CORO2B: variants seen among roughly 807,000 people sequenced by gnomAD.
CORO2B encodes the protein coronin 2B.
Under a neutral mutation model 58.8 loss-of-function variants are expected in CORO2B, and 26 were observed. The ratio of observed to expected loss-of-function variants is 0.44; its 90% CI spans 0.32 to 0.61. CORO2B has a LOEUF of 0.61. Among genes scored for constraint, CORO2B ranks in the 20% least tolerant of loss-of-function variants. The pLI, the probability that CORO2B is intolerant of heterozygous loss-of-function variation, is 0.04. For synonymous variants in CORO2B, 242 were observed against 253.8 expected, an observed-to-expected ratio of 0.95 and a Z score of 0.44; for missense variants, 460 against 645.1, an observed-to-expected ratio of 0.71 and a Z score of 3.11.
chr15:68,634,830 T>C (rs997924721), intron 1 of CORO2B, among the ~76,000 whole-genome samples: 1 of 152,196 alleles, frequency 6.6e-6, no homozygotes, highest in Non-Finnish European at 1.5e-5. Flanking sequence ...TGTTCAACCA[T>C]AGATTCTCAT....
the CORO2B span, among the ~76,000 whole-genome samples, chr15:68,568,785 A>G: frequency 6.6e-6 from 1 of 152,184 alleles, no homozygotes; most frequent in African/African-American, 2.4e-5. Context: ...CAATGGGAAC[A>G]CATGGACACA....
chr15:68,536,839 G>A, the CORO2B span, among the ~76,000 whole-genome samples: 3 of 152,214 alleles, frequency 2.0e-5, no homozygotes, highest in African/African-American at 7.2e-5. Context: ...ATTTGTAAAT[G>A]GAGGGGCTAT....
intron 2 of CORO2B, among the ~76,000 whole-genome samples, chr15:68,652,084 T>C (rs1027617793): frequency 6.6e-6 from 1 of 152,204 alleles, no homozygotes; most frequent in Non-Finnish European, 1.5e-5. Flanking sequence ...GCATACAGTA[T>C]GGACCCCAAG....
At chr15:68,558,301 G>A in the CORO2B span, among the ~76,000 whole-genome samples, 1 of 152,128 alleles carries the variant, frequency 6.6e-6, no homozygotes, top group Non-Finnish European at 1.5e-5. Context: ...GCAGGCCCAG[G>A]GGTCCTGCTG....
chr15:68,581,808 C>T (rs192793542), intron 1 of CORO2B, among the ~76,000 whole-genome samples: 21 of 152,260 alleles, frequency 1.4e-4, no homozygotes, highest in Admixed American at 9.8e-4. Flanking sequence ...GAAATGGGTT[C>T]GAGAGTGAGC....
intron 2 of CORO2B, among the ~76,000 whole-genome samples, chr15:68,690,875 G>A (rs66814227): frequency 2.6e-5 from 4 of 151,114 alleles, no homozygotes; most frequent in African/African-American, 9.7e-5. Context: ...GGCTGGTCTC[G>A]AACTCCTGGG....
intron 2 of CORO2B, among the ~76,000 whole-genome samples, chr15:68,694,606 G>T (rs1173973029): frequency 6.6e-6 from 1 of 152,202 alleles, no homozygotes; most frequent in Non-Finnish European, 1.5e-5. Flanking sequence ...TGGACCCAGA[G>T]ATTCAGACCT....
At chr15:68,695,333 C>T in intron 3 of CORO2B, 77 bp downstream of exon 3, 1 of 997,768 alleles carries the variant, frequency 1.0e-6, no homozygotes. Context: ...TCTTCCTACC[C>T]TCCCCTCCTC....
At chr15:68,666,946 G>A (rs897801867) in intron 2 of CORO2B, among the ~76,000 whole-genome samples, 6 of 152,192 alleles carry the variant, frequency 3.9e-5, no homozygotes, top group Non-Finnish European at 8.8e-5. Context: ...GCCCTTGGGT[G>A]AGATTTGGCT....
At chr15:68,651,009 T>C (rs920731404) in intron 2 of CORO2B, among the ~76,000 whole-genome samples, 1 of 152,104 alleles carries the variant, frequency 6.6e-6, no homozygotes, top group Admixed American at 6.5e-5. Flanking sequence ...AACACCTGAA[T>C]ATGGGCTCGC....
chr15:68,575,204 C>T (rs111759015), upstream of CORO2B, among the ~76,000 whole-genome samples: 415 of 152,298 alleles, frequency 2.7e-3, 3 homozygotes, highest in African/African-American at 9.5e-3. Context: ...GGTCAGCCCT[C>T]AAACAATGGG....
intron 2 of CORO2B, among the ~76,000 whole-genome samples, chr15:68,693,924 C>G (rs545173331): frequency 1.3e-5 from 2 of 152,330 alleles, no homozygotes; most frequent in African/African-American, 4.8e-5. Context: ...CAACCTCCGC[C>G]TCCTGGGTTC....
the CORO2B span, among the ~76,000 whole-genome samples, chr15:68,564,574 A>T: frequency 6.6e-6 from 1 of 152,188 alleles, no homozygotes; most frequent in Non-Finnish European, 1.5e-5. Flanking sequence ...GGCCTCCTAC[A>T]GTGCCGGGAT....
At chr15:68,689,779 G>T (rs1488882817) in intron 2 of CORO2B, among the ~76,000 whole-genome samples, 1 of 152,150 alleles carries the variant, frequency 6.6e-6, no homozygotes, top group Non-Finnish European at 1.5e-5. Flanking sequence ...TTTGGCAGAG[G>T]CATTTTGTTT....
At chr15:68,707,679 G>A (rs992431911) in intron 3 of CORO2B, among the ~76,000 whole-genome samples, 3 of 152,162 alleles carry the variant, frequency 2.0e-5, no homozygotes, top group African/African-American at 7.2e-5. Flanking sequence ...AAAGAAGTGT[G>A]TGTGTCTATA....
the CORO2B span, among the ~76,000 whole-genome samples, chr15:68,564,840 T>C: frequency 6.6e-6 from 1 of 152,352 alleles, no homozygotes; most frequent in East Asian, 1.9e-4. Context: ...CCAAATAGAA[T>C]GAACAAGTTT....
chr15:68,557,207 T>C, the CORO2B span, among the ~76,000 whole-genome samples: 1 of 152,176 alleles, frequency 6.6e-6, no homozygotes, highest in Non-Finnish European at 1.5e-5. Context: ...AAGGGATTCA[T>C]AGAGGATCAC....
chr15:68,676,183 T>A (rs1320750530), intron 2 of CORO2B, among the ~76,000 whole-genome samples: 1 of 152,206 alleles, frequency 6.6e-6, no homozygotes, highest in Non-Finnish European at 1.5e-5. Flanking sequence ...GATATCTGAT[T>A]GGCTCAGCTT....
the CORO2B span, among the ~76,000 whole-genome samples, chr15:68,556,220 AAGAC>A: frequency 6.6e-6 from 1 of 152,176 alleles, no homozygotes; most frequent in Non-Finnish European, 1.5e-5. Context: ...GGCAGGAAGA[AAGAC>A]AGGGTGATGA....
Sources: gnomAD v4.1 joint callset for allele counts (sites outside exome capture counted in the v4.1 genomes callset) on GRCh38, gnomAD v4.1.1 for gene constraint, MANE v1.5 for transcripts, NCBI Gene and HGNC (gene_info 2026-07-23, HGNC 2026-07-21) for gene names.